AGBL4: variants seen among roughly 807,000 people sequenced by gnomAD.
AGBL4 encodes cytosolic carboxypeptidase 6.
AGBL4 carries 58 observed loss-of-function variants against 66.4 expected under a neutral mutation model. The observed-to-expected ratio is 0.87, with a 90% CI of 0.71 to 1.09. The LOEUF (loss-of-function observed/expected upper bound fraction) is 1.09, where lower values mean the gene tolerates loss of function less well. AGBL4 is among the 50% of genes least tolerant of loss of function. The pLI, the probability that AGBL4 is intolerant of heterozygous loss-of-function variation, is 0.00. For missense variants in AGBL4, 579 were observed against 631.0 expected, an observed-to-expected ratio of 0.92 and a Z score of 0.88; for synonymous variants, 234 against 222.9, an observed-to-expected ratio of 1.05 and a Z score of -0.44.
At chr1:49,233,360 A>G (rs557353070) in intron 4 of AGBL4, among the ~76,000 whole-genome samples, 4 of 152,344 alleles carry the variant, frequency 2.6e-5, no homozygotes, top group African/African-American at 7.2e-5. Context: ...TATAACCAAA[A>G]AGATCAGTAG....
chr1:49,304,375 C>T (rs182959260), intron 3 of AGBL4, among the ~76,000 whole-genome samples: 33 of 152,272 alleles, frequency 2.2e-4, no homozygotes, highest in Admixed American at 6.5e-4. Flanking sequence ...TAACACATGT[C>T]CTAACAGTCT....
At chr1:48,673,608 A>G (rs1646311754) in intron 6 of AGBL4, among the ~76,000 whole-genome samples, 1 of 152,298 alleles carries the variant, frequency 6.6e-6, no homozygotes, top group East Asian at 1.9e-4. Flanking sequence ...TCAACATGAC[A>G]TCTTCAGAGG....
chr1:49,415,806 G>A (rs1645414664), intron 3 of AGBL4, among the ~76,000 whole-genome samples: 1 of 152,108 alleles, frequency 6.6e-6, no homozygotes, highest in South Asian at 2.1e-4. Flanking sequence ...TTGAGGCTTA[G>A]AGAAAGAAGT....
chr1:48,718,402 T>TC (rs1428590029), intron 6 of AGBL4, among the ~76,000 whole-genome samples: 1 of 152,008 alleles, frequency 6.6e-6, no homozygotes, highest in Admixed American at 6.6e-5. Flanking sequence ...TATAAACACC[T>TC]CCCAAAGCTC....
intron 3 of AGBL4, among the ~76,000 whole-genome samples, chr1:49,279,290 G>C (rs762085511): frequency 2.6e-5 from 4 of 152,138 alleles, no homozygotes; most frequent in African/African-American, 7.2e-5. Context: ...TGTCTTACAA[G>C]GTAGAGTTAA....
At chr1:48,766,984 G>A (rs1021375874) in intron 6 of AGBL4, among the ~76,000 whole-genome samples, 2 of 152,212 alleles carry the variant, frequency 1.3e-5, no homozygotes, top group Non-Finnish European at 2.9e-5. Flanking sequence ...CTTATATAGT[G>A]CAAATATCTG....
chr1:49,979,852 C>CA (rs1012875519), intron 1 of AGBL4, among the ~76,000 whole-genome samples: 13 of 151,162 alleles, frequency 8.6e-5, no homozygotes, highest in Non-Finnish European at 1.5e-4. Flanking sequence ...CATGACACTA[C>CA]AAAAAAAAAT....
At chr1:49,440,067 T>A (rs1258727914) in intron 3 of AGBL4, among the ~76,000 whole-genome samples, 2 of 119,348 alleles carry the variant, frequency 1.7e-5, no homozygotes, top group African/African-American at 6.9e-5. Flanking sequence ...CTAAGGACTC[T>A]ACTTTTTTTT....
chr1:49,738,810 T>A (rs1650139362), intron 2 of AGBL4, among the ~76,000 whole-genome samples: 1 of 152,228 alleles, frequency 6.6e-6, no homozygotes, highest in Admixed American at 6.5e-5. Flanking sequence ...GGAGTGGACC[T>A]CTGGCAAATT....
At chr1:49,819,743 C>T (rs572172560) in intron 2 of AGBL4, among the ~76,000 whole-genome samples, 371 of 152,302 alleles carry the variant, frequency 2.4e-3, no homozygotes, top group Non-Finnish European at 4.5e-3. Context: ...TCTTTGAGAT[C>T]TCTTACCTCA....
At chr1:49,649,354 A>C (rs1645955772) in intron 3 of AGBL4, among the ~76,000 whole-genome samples, 1 of 152,172 alleles carries the variant, frequency 6.6e-6, no homozygotes, top group Non-Finnish European at 1.5e-5. Flanking sequence ...CTTTAGAGCA[A>C]GGAAAGTTAT....
intron 5 of AGBL4, among the ~76,000 whole-genome samples, chr1:48,973,312 CTG>C (rs776654185): frequency 6.6e-6 from 1 of 152,154 alleles, no homozygotes; most frequent in Non-Finnish European, 1.5e-5. Flanking sequence ...GGCCAATTAA[CTG>C]TGTACATATC....
chr1:48,674,571 G>T (rs983038261), intron 6 of AGBL4, among the ~76,000 whole-genome samples: 14 of 152,078 alleles, frequency 9.2e-5, no homozygotes, highest in Admixed American at 7.9e-4. Context: ...CTTAGGTATG[G>T]CTGTGCCTGA....
At chr1:48,978,624 G>A (rs974203530) in intron 5 of AGBL4, among the ~76,000 whole-genome samples, 1 of 152,124 alleles carries the variant, frequency 6.6e-6, no homozygotes, top group Non-Finnish European at 1.5e-5. Context: ...GGTGATAACA[G>A]CTTCCTGCAA....
At chr1:49,654,873 T>C (rs1157348038) in intron 3 of AGBL4, among the ~76,000 whole-genome samples, 1 of 152,176 alleles carries the variant, frequency 6.6e-6, no homozygotes, top group Non-Finnish European at 1.5e-5. Context: ...TGACTCTTTA[T>C]CCAATTTGCC....
chr1:49,131,096 T>C (rs1032508687), intron 4 of AGBL4, among the ~76,000 whole-genome samples: 22 of 152,144 alleles, frequency 1.4e-4, no homozygotes, highest in African/African-American at 4.6e-4. Context: ...ATTATTGTTA[T>C]CTACAAAACA....
rs1197963875 is a variant in AGBL4, at chr1:49,229,157, C to A, written c.377+16613G>T. Among the ~76,000 whole-genome samples the A allele has an allele frequency of 2.0e-5, 3 of 152,164 alleles. 1 individual carries two copies. The highest frequency in any genetic ancestry group is 7.2e-5 in the African/African-American group (3 of 41,436). ...AGGCCAATTTCTCAGATAAGTTTTC[C>A]CTAACAACCTGTGAAAAATTGGCTG... On this transcript the variant is annotated intron_variant, in intron 4 of 13. Coordinates refer to ENST00000371839, the MANE Select transcript of AGBL4 (RefSeq NM_032785.4).
At chr1:49,864,709 T>A (rs1441615114) in intron 1 of AGBL4, among the ~76,000 whole-genome samples, 3 of 152,146 alleles carry the variant, frequency 2.0e-5, no homozygotes, top group African/African-American at 7.2e-5. Context: ...ACCAGAGCCT[T>A]GAGCCCCATG....
At chr1:49,652,969 G>A (rs1049183130) in intron 3 of AGBL4, among the ~76,000 whole-genome samples, 6 of 152,124 alleles carry the variant, frequency 3.9e-5, no homozygotes, top group Admixed American at 3.3e-4. Flanking sequence ...GGGGAAGCCA[G>A]ACCCCTTATT....
Sources: gnomAD v4.1 joint callset for allele counts (sites outside exome capture counted in the v4.1 genomes callset) on GRCh38, gnomAD v4.1.1 for gene constraint, MANE v1.5 for transcripts, NCBI Gene and HGNC (gene_info 2026-07-23, HGNC 2026-07-21) for gene names.